Variants in ROBO2 observed in about 807,000 individuals in gnomAD.
ROBO2 encodes roundabout homolog 2.
In ROBO2, 53 loss-of-function variants were observed where a neutral mutation model predicts 160.8. The observed-to-expected ratio is 0.33, with a 90% CI of 0.26 to 0.41. The LOEUF (loss-of-function observed/expected upper bound fraction) is 0.41. Among genes scored for constraint, ROBO2 ranks in the 10% least tolerant of loss-of-function variants. The probability of loss-of-function intolerance (pLI) is 1.00; values close to 1 mark genes in which losing one functional copy is unlikely to be tolerated. For synonymous variants in ROBO2, 664 were observed against 611.7 expected, an observed-to-expected ratio of 1.09 and a Z score of -1.26; for missense variants, 1,577 against 1,722.4, an observed-to-expected ratio of 0.92 and a Z score of 1.49.
At chr3:76,691,817 A>G (rs1170750924) in intron 2 of ROBO2, among the ~76,000 whole-genome samples, 1 of 152,134 alleles carries the variant, frequency 6.6e-6, no homozygotes, top group Non-Finnish European at 1.5e-5. Context: ...ACTAGAGAGA[A>G]GCATAGCAGA....
At chr3:76,109,577 T>A (rs904993861) in intron 2 of ROBO2, among the ~76,000 whole-genome samples, 18 of 152,092 alleles carry the variant, frequency 1.2e-4, no homozygotes, top group African/African-American at 4.3e-4. Context: ...CCTCCTGCTT[T>A]CAATGTTTTT....
intron 2 of ROBO2, among the ~76,000 whole-genome samples, chr3:76,700,690 G>A (rs566568394): frequency 1.4e-3 from 212 of 152,156 alleles, no homozygotes; most frequent in Middle Eastern, 6.8e-3. Context: ...GTGTGCCTTT[G>A]GAAACTGTCA....
At chr3:77,165,823 C>G (rs2079025758) in intron 2 of ROBO2, among the ~76,000 whole-genome samples, 1 of 152,106 alleles carries the variant, frequency 6.6e-6, no homozygotes, top group South Asian at 2.1e-4. Flanking sequence ...ACCAAGAGAA[C>G]CTATCTTCTG....
chr3:76,584,599 A>T (rs1461276132), intron 2 of ROBO2, among the ~76,000 whole-genome samples: 1 of 152,186 alleles, frequency 6.6e-6, no homozygotes, highest in Non-Finnish European at 1.5e-5. Flanking sequence ...CACAGCCCTC[A>T]GAAGGGACCA....
At chr3:77,526,134 G>T (rs1582709448) in intron 6 of ROBO2, among the ~76,000 whole-genome samples, 1 of 151,480 alleles carries the variant, frequency 6.6e-6, no homozygotes, top group East Asian at 2.0e-4. Flanking sequence ...CCACATTAGG[G>T]TTCCACTAAA....
intron 2 of ROBO2, among the ~76,000 whole-genome samples, chr3:76,621,835 T>C (rs1645967485): frequency 1.3e-5 from 2 of 152,198 alleles, no homozygotes; most frequent in Non-Finnish European, 2.9e-5. Context: ...AGTATGGCAG[T>C]AATGCATAAT....
At chr3:77,038,059 T>G (rs1003679476), upstream of ROBO2, among the ~76,000 whole-genome samples, 24 of 152,210 alleles carry the variant, frequency 1.6e-4, no homozygotes, top group Admixed American at 8.5e-4. Context: ...TTAATTACTT[T>G]CCTTTTCCAG....
intron 8 of ROBO2, among the ~76,000 whole-genome samples, chr3:77,555,262 C>T (rs1489046277): frequency 6.6e-6 from 1 of 151,904 alleles, no homozygotes; most frequent in Admixed American, 6.6e-5. Context: ...ATTTGTGTGG[C>T]CTTCCTTATT....
intron 2 of ROBO2, among the ~76,000 whole-genome samples, chr3:76,175,442 C>T (rs1462837192): frequency 2.0e-5 from 3 of 151,928 alleles, no homozygotes; most frequent in South Asian, 2.1e-4. Flanking sequence ...CTAGTCTGAA[C>T]GTTGATTGAG....
intron 2 of ROBO2, among the ~76,000 whole-genome samples, chr3:77,251,524 C>A (rs1243949149): frequency 6.6e-6 from 1 of 152,112 alleles, no homozygotes; most frequent in Non-Finnish European, 1.5e-5. Flanking sequence ...ATCTCTTTAT[C>A]CTGATGAAGA....
chr3:76,862,501 G>A (rs1449800125), intron 2 of ROBO2, among the ~76,000 whole-genome samples: 1 of 152,094 alleles, frequency 6.6e-6, no homozygotes, highest in Non-Finnish European at 1.5e-5. Context: ...TAATGAAGAA[G>A]GAGGCAGTCT....
intron 2 of ROBO2, among the ~76,000 whole-genome samples, chr3:76,835,061 TG>T (rs1233450159): frequency 6.6e-6 from 1 of 152,104 alleles, no homozygotes; most frequent in Non-Finnish European, 1.5e-5. Context: ...GACTATAGAA[TG>T]CAAACTTTTT....
chr3:76,042,759 G>A (rs1056036372), intron 2 of ROBO2, among the ~76,000 whole-genome samples: 4 of 152,030 alleles, frequency 2.6e-5, no homozygotes, highest in African/African-American at 9.7e-5. Flanking sequence ...TTCAGGCATT[G>A]TATGGAAGAA....
intron 2 of ROBO2, 68 bp from the exon 3 acceptor site, chr3:77,477,346 A>G: frequency 6.6e-7 from 1 of 1,511,744 alleles, no homozygotes; most frequent in Non-Finnish European, 9.2e-7. Flanking sequence ...ACTTGAAGTT[A>G]CCTTGTACAA....
intron 2 of ROBO2, among the ~76,000 whole-genome samples, chr3:76,716,265 C>A (rs927321431): frequency 6.6e-6 from 1 of 152,162 alleles, no homozygotes. Context: ...GAGTCTCTAT[C>A]AAATGGCCTT....
At chr3:76,517,838 G>T (rs2081415695) in intron 2 of ROBO2, among the ~76,000 whole-genome samples, 1 of 152,058 alleles carries the variant, frequency 6.6e-6, no homozygotes, top group Non-Finnish European at 1.5e-5. Context: ...TTGTGGAGAG[G>T]AAAGAACAGA....
chr3:77,238,115 T>C (rs1490639071), intron 2 of ROBO2, among the ~76,000 whole-genome samples: 1 of 152,236 alleles, frequency 6.6e-6, no homozygotes, highest in Non-Finnish European at 1.5e-5. Context: ...TAGGGTTCTT[T>C]ATATACTTGC....
intron 1 of ROBO2, among the ~76,000 whole-genome samples, chr3:77,075,131 A>G (rs989135271): frequency 2.6e-5 from 4 of 152,194 alleles, no homozygotes; most frequent in African/African-American, 9.7e-5. Flanking sequence ...ATCTCTTTAT[A>G]TATCAGCATT....
At chr3:77,019,020 C>A (rs2062458275) in intron 2 of ROBO2, among the ~76,000 whole-genome samples, 1 of 152,152 alleles carries the variant, frequency 6.6e-6, no homozygotes, top group African/African-American at 2.4e-5. Context: ...TGTGGGGCAA[C>A]AAGAGCATCC....
Sources: gnomAD v4.1 joint callset for allele counts (sites outside exome capture counted in the v4.1 genomes callset) on GRCh38, gnomAD v4.1.1 for gene constraint, MANE v1.5 for transcripts, NCBI Gene and HGNC (gene_info 2026-07-23, HGNC 2026-07-21) for gene names.